The following DNAH11 variants were observed in gnomAD, a reference collection of about 807,000 sequenced individuals.
The protein encoded by DNAH11 is dynein axonemal heavy chain 11, also known as axonemal beta dynein heavy chain 11.
Under a neutral mutation model 526.0 loss-of-function variants are expected in DNAH11, and 442 were observed. The observed-to-expected ratio is 0.84, with a 90% CI of 0.78 to 0.91. The LOEUF (loss-of-function observed/expected upper bound fraction) is 0.91. DNAH11 is among the 40% of genes least tolerant of loss of function. The probability of loss-of-function intolerance (pLI) is 0.00; values close to 1 mark genes in which losing one functional copy is unlikely to be tolerated. For missense variants in DNAH11, 6,989 were observed against 5,448.7 expected (o/e 1.28, Z -8.90); for synonymous variants, 2,461 against 1,935.9 (o/e 1.27, Z -7.12).
chr7:21,726,068 A>T, intron 45 of DNAH11, 84 bp downstream of exon 45: 1 of 1,314,806 alleles, frequency 7.6e-7, no homozygotes, highest in Non-Finnish European at 1.0e-6. Flanking sequence ...TTTATAAAGA[A>T]AAGAGGTTTA....
chr7:21,620,287 A>C (rs1412582017), intron 25 of DNAH11, among the ~76,000 whole-genome samples: 1 of 152,088 alleles, frequency 6.6e-6, no homozygotes, highest in African/African-American at 2.4e-5. Context: ...ACAATGCATT[A>C]TTATTTATTG....
At chr7:21,784,288 T>G in intron 57 of DNAH11, 139 bp from the exon 58 acceptor site, 1 of 661,266 alleles carries the variant, frequency 1.5e-6, no homozygotes, top group South Asian at 2.0e-5. Flanking sequence ...AAAATTAGTC[T>G]GTTTAACAAA....
chr7:21,645,192 G>T (rs996543267), intron 28 of DNAH11, among the ~76,000 whole-genome samples: 3 of 152,204 alleles, frequency 2.0e-5, no homozygotes, highest in African/African-American at 7.2e-5. Context: ...AGGCCCTTCT[G>T]TGGAATCTGA....
chr7:21,734,861 A>G (rs1785535254), intron 45 of DNAH11, among the ~76,000 whole-genome samples: 1 of 151,298 alleles, frequency 6.6e-6, no homozygotes, highest in Non-Finnish European at 1.5e-5. Context: ...CTGTCTCAAA[A>G]AAAATAGTCA....
At position 21,604,705 on chromosome 7, in the gene DNAH11, G is replaced by A. The variant is rs193072630; in HGVS notation, c.3649-1721G>A. Among the ~76,000 whole-genome samples, 36 of 152,286 alleles carry A rather than the reference G, an allele frequency of 2.4e-4. No individual in the cohort carries two copies. In the East Asian group the frequency reaches 6.8e-3, roughly 29 times the overall value. ...ATTTATTTTTACCAAGTAAAAACTT[G>A]TTTGGAATCCCCAAATATAAAGCAG... On this transcript the variant is annotated intron_variant, in intron 18 of 81. Coordinates refer to ENST00000409508, the MANE Select transcript of DNAH11 (RefSeq NM_001277115.2).
Position 21,880,726 on chromosome 7 carries a change from G to A in DNAH11, c.12220G>A (p.Glu4074Lys), listed in dbSNP as rs1410027824. ...DQDTLEICSKEQEFKSILFSL... is the reference protein window; with the variant it reads ...DQDTLEICSKKQEFKSILFSL... ...GGATACACTTGAAATATGCTCCAAG[G>A]AGCAGGAGTTTAAAAGCATCCTTTT... Residue 4074 changes from glutamate (E) to lysine (K), a missense_variant, in exon 75 of 82, where the codon GAG becomes AAG. Physicochemically the swap from Glu to Lys is moderately conservative, Grantham distance 56. Transcript: ENST00000409508. 1 of 1,613,910 alleles carries A rather than the reference G, an allele frequency of 6.2e-7. No individual in the cohort carries two copies. Among genetic ancestry groups the A allele is most frequent in the Non-Finnish European group, 8.5e-7 (1 of 1,179,890 alleles).
At chr7:21,651,003 CT>C (rs1781736066) in intron 28 of DNAH11, among the ~76,000 whole-genome samples, 1 of 150,764 alleles carries the variant, frequency 6.6e-6, no homozygotes, top group Non-Finnish European at 1.5e-5. Flanking sequence ...GACACATTGA[CT>C]TAAGTTTTTA....
intron 14 of DNAH11, among the ~76,000 whole-genome samples, chr7:21,595,119 T>C (rs1278208701): frequency 6.6e-6 from 1 of 152,228 alleles, no homozygotes; most frequent in Non-Finnish European, 1.5e-5. Context: ...TATCTCATAG[T>C]TCTGGAGGAC....
chr7:21,547,658 T>C (rs975348992), intron 2 of DNAH11, among the ~76,000 whole-genome samples: 7 of 152,206 alleles, frequency 4.6e-5, no homozygotes, highest in African/African-American at 1.7e-4. Flanking sequence ...CTCGTCTACA[T>C]TCTGTTCCTT....
chr7:21,887,071 C>T (rs970573797), intron 76 of DNAH11, among the ~76,000 whole-genome samples: 6 of 152,186 alleles, frequency 3.9e-5, no homozygotes, highest in African/African-American at 1.4e-4. Flanking sequence ...CATCTTTTTG[C>T]CACTTCCCAC....
chr7:21,849,076 G>A (rs779675955), intron 66 of DNAH11, among the ~76,000 whole-genome samples: 73 of 152,074 alleles, frequency 4.8e-4, no homozygotes, highest in Non-Finnish European at 9.1e-4. Context: ...GTAGAGATGG[G>A]ATTTCGCCAT....
chr7:21,638,818 C>A, intron 27 of DNAH11, 121 bp from the exon 28 acceptor site: 1 of 1,173,352 alleles, frequency 8.5e-7, no homozygotes, highest in South Asian at 1.6e-5. Context: ...AGGAAGTAAG[C>A]TACCTGTTAA....
chr7:21,560,982 A>G (rs940718985), intron 4 of DNAH11, 89 bp from the exon 5 acceptor site: 87 of 911,614 alleles, frequency 9.5e-5, no homozygotes, highest in Non-Finnish European at 1.4e-4. Context: ...TGTGAGTGAA[A>G]TGGAATTTAA....
chr7:21,595,881 G>A (rs1269715415), intron 14 of DNAH11, among the ~76,000 whole-genome samples: 1 of 151,934 alleles, frequency 6.6e-6, no homozygotes, highest in African/African-American at 2.4e-5. Context: ...GGAGACCAGG[G>A]AGAAGAAGGA....
At chr7:21,633,428 G>A (rs961762049) in intron 25 of DNAH11, among the ~76,000 whole-genome samples, 2 of 152,072 alleles carry the variant, frequency 1.3e-5, no homozygotes, top group African/African-American at 2.4e-5. Context: ...TTCTATTACT[G>A]TATTGCAGTC....
chr7:21,744,964 G>A lies in DNAH11; in HGVS notation c.8411G>A (p.Trp2804Ter). 6.2e-7 allele frequency: 1 copy of A among 1,610,404 alleles called. No individual in the cohort carries two copies. The highest frequency in any genetic ancestry group is 8.5e-7 in the Non-Finnish European group (1 of 1,178,314). ...KDPHYMPVKD[W>*]EVLKTILTET... ...CCACATTACATGCCAGTGAAGGACT[G>A]GGAAGTGCTGAAGACGATTCTTACA... Residue 2804 changes from tryptophan (W) to a stop codon, truncating the protein, a stop_gained, in exon 51 of 82, where the codon TGG (tryptophan) becomes TAG (stop). Coordinates refer to ENST00000409508, the MANE Select transcript of DNAH11 (RefSeq NM_001277115.2). LOFTEE classifies it high-confidence loss of function.
Position 21,637,638 on chromosome 7 carries a change from GA to G in DNAH11, c.4757del (p.Asn1586MetfsTer3). On this transcript the variant is annotated frameshift_variant, in exon 27 of 82. Transcript: ENST00000409508. LOFTEE classifies it high-confidence loss of function. ...GTTAATGTTCAAGACAGCCAAAGTAGAAAATGTGTTAGAAGCAACGTGCAGA... is the reference window on the plus strand; with the variant it reads ...GTTAATGTTCAAGACAGCCAAAGTAGAAATGTGTTAGAAGCAACGTGCAGA... The part of the protein sequence containing the change: ...KELMFKTAKV[E>X]NVLEATCRPN... The G allele has an allele frequency of 6.3e-7, 1 of 1,589,728 alleles. No homozygotes were observed. The highest frequency in any genetic ancestry group is 8.6e-7 in the Non-Finnish European group (1 of 1,167,220).
At chr7:21,638,867 G>C (rs759771466) in intron 27 of DNAH11, 72 bp from the exon 28 acceptor site, 11 of 1,528,994 alleles carry the variant, frequency 7.2e-6, no homozygotes, top group Middle Eastern at 1.8e-4. Context: ...TAGAGGACTT[G>C]AGTTTTGTTT....
At chr7:21,828,647 CTT>C (rs1269026754) in intron 65 of DNAH11, among the ~76,000 whole-genome samples, 5 of 151,310 alleles carry the variant, frequency 3.3e-5, no homozygotes, top group African/African-American at 1.2e-4. Context: ...ATGAAATTGT[CTT>C]TGTTTTTGAT....
Sources: allele counts gnomAD v4.1 joint callset (sites outside exome capture counted in the v4.1 genomes callset), GRCh38; gene constraint gnomAD v4.1.1; transcripts MANE v1.5; gene names NCBI Gene and HGNC (gene_info 2026-07-23, HGNC 2026-07-21).